FHOD3: variants seen among roughly 807,000 people sequenced by gnomAD.
FHOD3 encodes FH1/FH2 domain-containing protein 3.
Under a neutral mutation model 173.0 loss-of-function variants are expected in FHOD3, and 90 were observed. The ratio of observed to expected loss-of-function variants is 0.52; its 90% CI spans 0.44 to 0.62. The LOEUF is 0.62. Among genes scored for constraint, FHOD3 ranks in the 20% least tolerant of loss-of-function variants. The pLI is 0.00. For synonymous variants in FHOD3, 828 were observed against 823.0 expected, an observed-to-expected ratio of 1.01 and a Z score of -0.10; for missense variants, 1,945 against 2,034.7, an observed-to-expected ratio of 0.96 and a Z score of 0.85.
chr18:36,668,236 G>A (rs766042782), intron 14 of FHOD3, among the ~76,000 whole-genome samples: 8 of 152,022 alleles, frequency 5.3e-5, no homozygotes, highest in Non-Finnish European at 7.4e-5. Flanking sequence ...ATTTCCTCTT[G>A]AGTGAGTTTT....
chr18:36,437,764 A>G (rs1300452684), intron 3 of FHOD3, among the ~76,000 whole-genome samples: 1 of 150,236 alleles, frequency 6.7e-6, no homozygotes, highest in Non-Finnish European at 1.5e-5. Flanking sequence ...CCCTGGTTCA[A>G]ATGATTCTCC....
chr18:36,468,663 G>A (rs1177188511), intron 3 of FHOD3, among the ~76,000 whole-genome samples: 1 of 152,158 alleles, frequency 6.6e-6, no homozygotes, highest in Admixed American at 6.5e-5. Context: ...AGAGGGGGAG[G>A]AATTTGTGGC....
chr18:36,773,233 T>G (rs2043470348), intron 28 of FHOD3, among the ~76,000 whole-genome samples: 1 of 152,114 alleles, frequency 6.6e-6, no homozygotes, highest in Admixed American at 6.5e-5. Context: ...AACTGACACA[T>G]TAAAGAGGAG....
intron 1 of FHOD3, among the ~76,000 whole-genome samples, chr18:36,351,794 G>A (rs189103248): frequency 3.9e-5 from 6 of 152,308 alleles, no homozygotes; most frequent in African/African-American, 1.4e-4. Flanking sequence ...TGAGATATTT[G>A]TCTTGGGCTA....
intron 5 of FHOD3, among the ~76,000 whole-genome samples, chr18:36,575,161 A>T (rs148948437): frequency 0.022 from 3,315 of 152,062 alleles, 138 homozygotes; most frequent in African/African-American, 0.076. Flanking sequence ...AGTAGAGACA[A>T]GGTTTTGCCA....
chr18:36,490,145 G>T (rs966342421), intron 3 of FHOD3, among the ~76,000 whole-genome samples: 1 of 152,190 alleles, frequency 6.6e-6, no homozygotes, highest in Non-Finnish European at 1.5e-5. Flanking sequence ...GCAGAGGGAG[G>T]TCTCTGAGGA....
At chr18:36,556,461 C>T (rs1044220910) in intron 5 of FHOD3, among the ~76,000 whole-genome samples, 1 of 152,142 alleles carries the variant, frequency 6.6e-6, no homozygotes, top group East Asian at 1.9e-4. Context: ...TTTTGGCATC[C>T]ATGGGTGATC....
chr18:36,749,431 T>A (rs1214079733), intron 24 of FHOD3, among the ~76,000 whole-genome samples: 1 of 152,234 alleles, frequency 6.6e-6, no homozygotes, highest in African/African-American at 2.4e-5. Context: ...CATGTGATAT[T>A]TGGTTTTCTG....
At chr18:36,565,384 T>C (rs1314161331) in intron 5 of FHOD3, among the ~76,000 whole-genome samples, 1 of 152,224 alleles carries the variant, frequency 6.6e-6, no homozygotes, top group Non-Finnish European at 1.5e-5. Context: ...ATTACTTTGA[T>C]TTAAAAACTC....
intron 22 of FHOD3, 120 bp from the exon 23 acceptor site, chr18:36,743,912 G>A: frequency 9.0e-7 from 1 of 1,113,784 alleles, no homozygotes; most frequent in South Asian, 1.3e-5. Context: ...GGCCCCAGGA[G>A]CTTCAGCCAC....
chr18:36,600,839 A>G (rs1406780930), intron 7 of FHOD3, among the ~76,000 whole-genome samples: 1 of 152,198 alleles, frequency 6.6e-6, no homozygotes, highest in Admixed American at 6.5e-5. Flanking sequence ...CATTAGCACC[A>G]CTAGAAAGTC....
intron 3 of FHOD3, among the ~76,000 whole-genome samples, chr18:36,476,475 G>A (rs958893499): frequency 6.6e-6 from 1 of 152,228 alleles, no homozygotes; most frequent in South Asian, 2.1e-4. Context: ...GTGAAAGAGT[G>A]AGCTGGGAGG....
chr18:36,359,174 T>C (rs1347616703), intron 2 of FHOD3, among the ~76,000 whole-genome samples: 1 of 152,224 alleles, frequency 6.6e-6, no homozygotes, highest in Non-Finnish European at 1.5e-5. Context: ...ATTGTGGCCA[T>C]CTAATGAAGA....
intron 3 of FHOD3, among the ~76,000 whole-genome samples, chr18:36,430,089 A>G (rs1348073386): frequency 6.6e-6 from 1 of 152,204 alleles, no homozygotes; most frequent in Non-Finnish European, 1.5e-5. Context: ...TTGCAGTTGA[A>G]GGGTCTTCAT....
chr18:36,474,865 G>A (rs1051061191), intron 3 of FHOD3, among the ~76,000 whole-genome samples: 14 of 152,054 alleles, frequency 9.2e-5, no homozygotes, highest in African/African-American at 2.9e-4. Flanking sequence ...CTGGACTTTT[G>A]AAAGTTTGGC....
intron 1 of FHOD3, among the ~76,000 whole-genome samples, chr18:36,321,749 G>C (rs1216892607): frequency 6.6e-6 from 1 of 152,124 alleles, no homozygotes; most frequent in East Asian, 1.9e-4. Context: ...CTCCGTGCGT[G>C]GTGCTATTTG....
chr18:36,559,397 G>A (rs1302609721), intron 5 of FHOD3, among the ~76,000 whole-genome samples: 1 of 152,146 alleles, frequency 6.6e-6, no homozygotes, highest in Non-Finnish European at 1.5e-5. Flanking sequence ...CCTCCACTCA[G>A]AAGGAAGCTG....
chr18:36,557,033 C>T (rs2057915332), intron 5 of FHOD3, among the ~76,000 whole-genome samples: 1 of 152,092 alleles, frequency 6.6e-6, no homozygotes, highest in Non-Finnish European at 1.5e-5. Flanking sequence ...AGGAAATTTG[C>T]TGCCATTCTT....
intron 3 of FHOD3, among the ~76,000 whole-genome samples, chr18:36,424,856 T>G (rs1157994949): frequency 6.6e-6 from 1 of 152,228 alleles, no homozygotes; most frequent in African/African-American, 2.4e-5. Context: ...GTTCAGCGTT[T>G]CTGTGCAGCA....
Sources: gnomAD v4.1 joint callset for allele counts (sites outside exome capture counted in the v4.1 genomes callset) on GRCh38, gnomAD v4.1.1 for gene constraint, MANE v1.5 for transcripts, NCBI Gene and HGNC (gene_info 2026-07-23, HGNC 2026-07-21) for gene names.